SYNJ1: variants seen among roughly 807,000 people sequenced by gnomAD.
The protein encoded by SYNJ1 is synaptojanin 1, also known as polyphosphatidylinositol phosphatase SYNJ1.
Under a neutral mutation model 168.2 loss-of-function variants are expected in SYNJ1, and 78 were observed. The ratio of observed to expected loss-of-function variants is 0.46; its 90% CI spans 0.39 to 0.56. The LOEUF (loss-of-function observed/expected upper bound fraction) is 0.56. Among genes scored for constraint, SYNJ1 ranks in the 20% least tolerant of loss-of-function variants. SYNJ1 has a pLI of 0.00. For synonymous variants in SYNJ1, 539 were observed against 548.6 expected (o/e 0.98, Z 0.24); for missense variants, 1,303 against 1,597.6 (o/e 0.82, Z 3.14).
chr21:32,662,411 A>G (rs1254258030), intron 18 of SYNJ1, among the ~76,000 whole-genome samples: 1 of 152,188 alleles, frequency 6.6e-6, no homozygotes, highest in Non-Finnish European at 1.5e-5. Flanking sequence ...GGAACTTTAA[A>G]AGGAACGTGT....
intron 30 of SYNJ1, 60 bp from the exon 31 acceptor site, chr21:32,639,185 T>C (rs2145721658): frequency 1.4e-6 from 2 of 1,475,536 alleles, no homozygotes; most frequent in East Asian, 4.6e-5. Context: ...TTTTTTTCCT[T>C]CTTTAGTGAA....
intron 24 of SYNJ1, 154 bp from the exon 25 acceptor site, chr21:32,645,943 AC>A (rs1470306906): frequency 1.8e-6 from 2 of 1,129,526 alleles, no homozygotes; most frequent in Non-Finnish European, 2.6e-6. Context: ...AAAGCAGTCT[AC>A]TATTAAACTG....
intron 7 of SYNJ1, 112 bp downstream of exon 7, chr21:32,688,194 G>T: frequency 1.1e-6 from 1 of 932,774 alleles, no homozygotes; most frequent in Non-Finnish European, 1.6e-6. Context: ...TAAATTAGGA[G>T]TCAGAGGAAT....
intron 32 of SYNJ1, 132 bp from the exon 33 acceptor site, chr21:32,631,933 A>C: frequency 1.3e-6 from 1 of 779,962 alleles, no homozygotes; most frequent in African/African-American, 1.7e-5. Flanking sequence ...AGCTTTGTGT[A>C]GTTTGTTACT....
At chr21:32,639,575 T>A in intron 30 of SYNJ1, 96 bp downstream of exon 30, 1 of 987,198 alleles carries the variant, frequency 1.0e-6, no homozygotes, top group South Asian at 1.4e-5. Flanking sequence ...GAGTTTTTAA[T>A]TTTTTTACAG....
At chr21:32,725,041 C>T (rs548892483) in intron 2 of SYNJ1, among the ~76,000 whole-genome samples, 41 of 152,096 alleles carry the variant, frequency 2.7e-4, no homozygotes, top group Non-Finnish European at 5.0e-4. Context: ...GCATAAAAGA[C>T]GGCTGCTGGA....
intron 9 of SYNJ1, among the ~76,000 whole-genome samples, chr21:32,684,917 C>G (rs533372264): frequency 1.3e-5 from 2 of 152,098 alleles, no homozygotes; most frequent in Non-Finnish European, 2.9e-5. Flanking sequence ...CGGTGGCTCA[C>G]GCCTGTAATC....
At chr21:32,645,578 A>T in intron 25 of SYNJ1, 68 bp downstream of exon 25, 1 of 1,442,738 alleles carries the variant, frequency 6.9e-7, no homozygotes, top group Non-Finnish European at 9.1e-7. Context: ...ATTGGAAAAC[A>T]TGCAAAACAT....
chr21:32,722,203 A>AT (rs1214320010), intron 2 of SYNJ1, among the ~76,000 whole-genome samples: 1,208 of 88,290 alleles, frequency 0.014, 9 homozygotes, highest in African/African-American at 0.039. Context: ...AAAAAAAAAA[A>AT]AAATATATAT....
chr21:32,691,016 T>C (rs770837625), intron 6 of SYNJ1, among the ~76,000 whole-genome samples: 1 of 152,234 alleles, frequency 6.6e-6, no homozygotes, highest in Non-Finnish European at 1.5e-5. Context: ...TTCTTTACCT[T>C]CACATATTTC....
rs780563501 is a variant in SYNJ1 at position 32,653,326 on chromosome 21, T to C, written c.2836A>G (p.Ser946Gly). The C allele has an allele frequency of 6.2e-7, 1 of 1,613,950 alleles. No homozygotes were observed. The highest frequency in any genetic ancestry group is 1.1e-5 in the South Asian group (1 of 91,064). ...AGGCTCAGAACATTCAAGGCAGAGC[T>C]TCCCTCCAAAAATGTAACCCACATT... ...DKMWVTFLEG[S>G]SALNVLSLNG... Residue 946 changes from serine (S) to glycine (G), a missense_variant, in exon 22 of 33, where the codon AGC (serine) becomes GGC (glycine). By Grantham distance (56) the Ser-to-Gly change is moderately conservative. Transcript: ENST00000674351.
At chr21:32,685,551 A>G (rs2041807974) in intron 9 of SYNJ1, among the ~76,000 whole-genome samples, 197 bp downstream of exon 9, 1 of 151,934 alleles carries the variant, frequency 6.6e-6, no homozygotes, top group Non-Finnish European at 1.5e-5. Flanking sequence ...GGGAGCTGAG[A>G]CTGCACCACT....
At chr21:32,686,478 AT>A (rs1482570406) in intron 8 of SYNJ1, among the ~76,000 whole-genome samples, 1 of 152,124 alleles carries the variant, frequency 6.6e-6, no homozygotes, top group Non-Finnish European at 1.5e-5. Flanking sequence ...TCATTAAAAT[AT>A]TTTTTCTTTA....
At chr21:32,638,781 T>C in intron 31 of SYNJ1, 127 bp downstream of exon 31, 1 of 869,696 alleles carries the variant, frequency 1.1e-6, no homozygotes, top group Non-Finnish European at 1.7e-6. Context: ...TAATAACAAA[T>C]ATAAAAAGAA....
intron 18 of SYNJ1, among the ~76,000 whole-genome samples, chr21:32,659,034 C>CA (rs2040575522): frequency 6.6e-6 from 1 of 151,300 alleles, no homozygotes; most frequent in Non-Finnish European, 1.5e-5. Context: ...ATGTGGTGCC[C>CA]AAAGATTCAA....
intron 2 of SYNJ1, among the ~76,000 whole-genome samples, chr21:32,714,826 T>C (rs621337): frequency 0.084 from 12,735 of 152,234 alleles, 700 homozygotes; most frequent in South Asian, 0.16. Context: ...ACATGATATC[T>C]CAACAGTCAT....
rs1333100487 is a variant in SYNJ1, at chr21:32,657,885, T to C, written c.2305-13A>G. Reference sequence around the variant, plus strand: ...ATCCTCTAAAAACCTAAAATAAACATATACAAAGTAAGTTATTCCCAAACA... The same window carrying C: ...ATCCTCTAAAAACCTAAAATAAACACATACAAAGTAAGTTATTCCCAAACA... On this transcript the variant is annotated splice_polypyrimidine_tract_variant and intron_variant, in intron 18 of 32. Coordinates refer to ENST00000674351, the MANE Select transcript of SYNJ1 (RefSeq NM_203446.3). 9 of 1,601,336 alleles carry C rather than the reference T, an allele frequency of 5.6e-6. No individual in the cohort carries two copies. Among genetic ancestry groups the C allele is most frequent in the African/African-American group, 1.3e-5 (1 of 74,350 alleles).
intron 2 of SYNJ1, among the ~76,000 whole-genome samples, chr21:32,726,039 C>T (rs2043437629): frequency 6.6e-6 from 1 of 152,092 alleles, no homozygotes; most frequent in South Asian, 2.1e-4. Context: ...AGGGTTTCAC[C>T]ACGCTGCCCA....
chr21:32,688,324 T>C lies in SYNJ1; in HGVS notation c.833A>G (p.Asn278Ser). 4.3e-6 allele frequency: 7 copies of C among 1,613,750 alleles called. No homozygotes were observed. The highest frequency in any genetic ancestry group is 5.9e-6 in the Non-Finnish European group (7 of 1,179,862). The change falls in exon 7 of 33, where the codon AAT becomes AGT. Residue 278 changes from asparagine to serine, a missense_variant. This residue lies in a region of SYNJ1 where 920 missense variants were observed against 1,208.8 expected (regional missense o/e 0.76). Coordinates refer to ENST00000674351, the MANE Select transcript of SYNJ1 (RefSeq NM_203446.3). Reference protein sequence around the residue: ...RVRMSRGFEANAPAFDRHFRT... With the variant: ...RVRMSRGFEASAPAFDRHFRT... ...GTCTTACCTGTCAAAAGCAGGTGCATTGGCTTCAAATCCCCTTGACATACG... is the reference window on the plus strand; with the variant it reads ...GTCTTACCTGTCAAAAGCAGGTGCACTGGCTTCAAATCCCCTTGACATACG...
Sources: allele counts gnomAD v4.1 joint callset (sites outside exome capture counted in the v4.1 genomes callset), GRCh38; gene constraint gnomAD v4.1.1; regional missense constraint gnomAD v4.1.1; transcripts MANE v1.5; gene names NCBI Gene and HGNC (gene_info 2026-07-23, HGNC 2026-07-21).